The following ACOXL variants were observed in gnomAD, a reference collection of about 807,000 sequenced individuals.
ACOXL encodes the protein acyl-coenzyme A oxidase-like protein.
Under a neutral mutation model 71.9 loss-of-function variants are expected in ACOXL, and 70 were observed. The ratio of observed to expected loss-of-function variants is 0.97; its 90% CI spans 0.80 to 1.19. The LOEUF is 1.19. Ranked by LOEUF, ACOXL falls within the 50% of genes most tolerant of loss-of-function variation. ACOXL has a pLI of 0.00. For missense variants in ACOXL, 703 were observed against 736.3 expected (o/e 0.95, Z 0.52); for synonymous variants, 253 against 281.6 (o/e 0.90, Z 1.02).
Position 110,901,291 on chromosome 2 carries a change from T to G in ACOXL, c.789-7498T>G, listed in dbSNP as rs912167798. On this transcript the variant is annotated intron_variant, in intron 10 of 17. Coordinates refer to ENST00000439055, the MANE Select transcript of ACOXL (RefSeq NM_001142807.4). ...GGCCAAGGAAATCTGAGCTTTAGTG[T>G]CTGTGTTTGCAGGTTTGGGGGTGCT... 3.3e-5 allele frequency among the ~76,000 whole-genome samples: 5 copies of G among 152,248 alleles called. 1 individual carries two copies. The highest frequency in any genetic ancestry group is 1.3e-4 in the Admixed American group (2 of 15,288).
At chr2:110,759,246 TTGA>T (rs1353576316) in intron 1 of ACOXL, among the ~76,000 whole-genome samples, 10 of 152,190 alleles carry the variant, frequency 6.6e-5, no homozygotes, top group Admixed American at 6.5e-4. Flanking sequence ...ATTTTCTTTC[TTGA>T]TGATTTGTCT....
intron 10 of ACOXL, among the ~76,000 whole-genome samples, chr2:110,900,644 G>T (rs1019993388): frequency 1.3e-5 from 2 of 152,166 alleles, no homozygotes; most frequent in African/African-American, 4.8e-5. Context: ...ATGTTGACTT[G>T]GTCCCAGGAT....
intron 1 of ACOXL, among the ~76,000 whole-genome samples, chr2:110,763,078 A>G (rs1232113796): frequency 1.3e-5 from 2 of 152,214 alleles, no homozygotes; most frequent in Non-Finnish European, 1.5e-5. Flanking sequence ...CACTAAATAA[A>G]TGGTGGGATA....
chr2:110,869,675 G>A (rs1695030617), intron 10 of ACOXL, among the ~76,000 whole-genome samples: 1 of 152,206 alleles, frequency 6.6e-6, no homozygotes, highest in African/African-American at 2.4e-5. Flanking sequence ...GGCCACAAGA[G>A]GCAAAGTAGC....
chr2:110,917,811 C>A (rs953070234), intron 11 of ACOXL, among the ~76,000 whole-genome samples: 1 of 152,124 alleles, frequency 6.6e-6, no homozygotes, highest in African/African-American at 2.4e-5. Flanking sequence ...AAAATTGCTA[C>A]AAAGAGAATA....
intron 15 of ACOXL, among the ~76,000 whole-genome samples, chr2:111,045,701 C>G (rs956680148): frequency 6.6e-6 from 1 of 152,092 alleles, no homozygotes; most frequent in African/African-American, 2.4e-5. Context: ...GAGAGAGAAA[C>G]CTGCACTGGC....
At chr2:111,007,394 A>G (rs567027770) in intron 14 of ACOXL, among the ~76,000 whole-genome samples, 1 of 152,290 alleles carries the variant, frequency 6.6e-6, no homozygotes, top group South Asian at 2.1e-4. Flanking sequence ...GGGAAGCAAG[A>G]GTTGTCTCTT....
chr2:110,867,267 G>A (rs974440788), intron 10 of ACOXL, among the ~76,000 whole-genome samples: 3 of 152,192 alleles, frequency 2.0e-5, no homozygotes, highest in Non-Finnish European at 4.4e-5. Context: ...CAGCAAGTTA[G>A]CAGGGGAGGA....
intron 16 of ACOXL, among the ~76,000 whole-genome samples, chr2:111,057,606 G>T (rs1200996377): frequency 6.6e-6 from 1 of 152,150 alleles, no homozygotes; most frequent in Non-Finnish European, 1.5e-5. Flanking sequence ...GAGGGGGAAG[G>T]CAGAGGGGTT....
intron 14 of ACOXL, among the ~76,000 whole-genome samples, chr2:111,023,802 G>A (rs1396840682): frequency 2.6e-5 from 4 of 152,086 alleles, no homozygotes; most frequent in African/African-American, 9.7e-5. Context: ...CCACCACAGG[G>A]GCCTTAAAAT....
At chr2:110,777,837 G>A (rs1682840444) in intron 2 of ACOXL, among the ~76,000 whole-genome samples, 1 of 152,218 alleles carries the variant, frequency 6.6e-6, no homozygotes, top group African/African-American at 2.4e-5. Context: ...CACCTGGGGA[G>A]AGGCCACACC....
intron 12 of ACOXL, among the ~76,000 whole-genome samples, chr2:110,960,751 C>A (rs1442279836): frequency 6.6e-6 from 1 of 150,704 alleles, no homozygotes; most frequent in African/African-American, 2.4e-5. Context: ...TTAAAAAACC[C>A]AAAAAGTTCA....
At chr2:111,084,977 CAAAG>C (rs942164721) in intron 16 of ACOXL, among the ~76,000 whole-genome samples, 2 of 148,290 alleles carry the variant, frequency 1.3e-5, no homozygotes, top group African/African-American at 4.9e-5. Flanking sequence ...ATTTTAAAGA[CAAAG>C]AAGGACATTA....
intron 16 of ACOXL, among the ~76,000 whole-genome samples, chr2:111,059,830 GAGAA>G (rs959113833): frequency 6.6e-6 from 1 of 151,490 alleles, no homozygotes; most frequent in African/African-American, 2.4e-5. Flanking sequence ...AAGAGGAAGA[GAGAA>G]AGGAAGAAGA....
chr2:110,747,802 C>T (rs113456284), intron 1 of ACOXL, among the ~76,000 whole-genome samples: 6 of 152,084 alleles, frequency 3.9e-5, no homozygotes, highest in African/African-American at 1.2e-4. Context: ...TATCTGTTTG[C>T]ATCTCTGCTC....
intron 10 of ACOXL, among the ~76,000 whole-genome samples, chr2:110,844,275 A>C (rs1691520943): frequency 6.6e-6 from 1 of 152,250 alleles, no homozygotes; most frequent in Non-Finnish European, 1.5e-5. Flanking sequence ...GGGATGATCA[A>C]AGGGTTGTGT....
At chr2:110,811,727 G>GCACACACACA (rs755379222) in intron 9 of ACOXL, among the ~76,000 whole-genome samples, 1 of 29,296 alleles carries the variant, frequency 3.4e-5, no homozygotes, top group Non-Finnish European at 8.6e-5. Context: ...TGTTTTTTTT[G>GCACACACACA]CATACACACA....
chr2:110,952,959 G>A (rs1468493451), intron 12 of ACOXL, among the ~76,000 whole-genome samples: 1 of 152,138 alleles, frequency 6.6e-6, no homozygotes, highest in Non-Finnish European at 1.5e-5. Context: ...AATTTCCATA[G>A]TGACTTTATT....
At chr2:110,918,636 A>G (rs1378724268) in intron 11 of ACOXL, among the ~76,000 whole-genome samples, 1 of 152,230 alleles carries the variant, frequency 6.6e-6, no homozygotes, top group Non-Finnish European at 1.5e-5. Flanking sequence ...ATGAGAGACA[A>G]TTTTTGCATT....
Sources: allele counts gnomAD v4.1 joint callset (sites outside exome capture counted in the v4.1 genomes callset), GRCh38; gene constraint gnomAD v4.1.1; transcripts MANE v1.5; gene names NCBI Gene and HGNC (gene_info 2026-07-23, HGNC 2026-07-21).